The following SLC15A5 variants were observed in gnomAD, a reference collection of about 807,000 sequenced individuals.
The protein encoded by SLC15A5 is solute carrier family 15 member 5.
In SLC15A5, 58 loss-of-function variants were observed where a neutral mutation model predicts 56.1. The ratio of observed to expected loss-of-function variants is 1.03; its 90% CI spans 0.84 to 1.29. The LOEUF is 1.29. Ranked by LOEUF, SLC15A5 falls within the 50% of genes most tolerant of loss-of-function variation. The pLI is 0.00. For synonymous variants in SLC15A5, 264 were observed against 250.5 expected, an observed-to-expected ratio of 1.05 and a Z score of -0.51; for missense variants, 681 against 672.1, an observed-to-expected ratio of 1.01 and a Z score of -0.15.
intron 5 of SLC15A5, among the ~76,000 whole-genome samples, chr12:16,230,044 G>A (rs1323895049): frequency 6.6e-6 from 1 of 151,670 alleles, no homozygotes; most frequent in African/African-American, 2.4e-5. Context: ...AGATACATGA[G>A]GAAAAAATAA....
intron 1 of SLC15A5, among the ~76,000 whole-genome samples, chr12:16,275,346 C>G (rs929702690): frequency 5.3e-5 from 8 of 152,016 alleles, no homozygotes; most frequent in Non-Finnish European, 2.9e-5. Context: ...TGTTGAACAA[C>G]AAGTCTAGAG....
At chr12:16,268,462 A>G (rs187408481) in intron 2 of SLC15A5, among the ~76,000 whole-genome samples, 1 of 152,094 alleles carries the variant, frequency 6.6e-6, no homozygotes, top group Non-Finnish European at 1.5e-5. Flanking sequence ...ACAAGCTACT[A>G]CTCCTCAGCA....
intron 2 of SLC15A5, among the ~76,000 whole-genome samples, chr12:16,263,229 A>G (rs1344544271): frequency 1.3e-5 from 2 of 152,170 alleles, no homozygotes; most frequent in African/African-American, 4.8e-5. Context: ...AAGTGGTCTC[A>G]GATGGAGATG....
chr12:16,252,288 A>G (rs1268871508), intron 3 of SLC15A5, among the ~76,000 whole-genome samples: 1 of 152,044 alleles, frequency 6.6e-6, no homozygotes, highest in African/African-American at 2.4e-5. Context: ...ATAATTGAAC[A>G]TAGTGCTGAA....
chr12:16,260,489 T>C (rs574584907), intron 2 of SLC15A5, among the ~76,000 whole-genome samples: 14 of 152,044 alleles, frequency 9.2e-5, no homozygotes, highest in Non-Finnish European at 1.8e-4. Flanking sequence ...TCCTCTTTTT[T>C]TTTTTTATTG....
chr12:16,234,354 T>G (rs904720606), intron 5 of SLC15A5, among the ~76,000 whole-genome samples: 2 of 152,204 alleles, frequency 1.3e-5, no homozygotes, highest in Admixed American at 6.5e-5. Flanking sequence ...TACCTAGGTA[T>G]TTTAGGGCAA....
intron 7 of SLC15A5, among the ~76,000 whole-genome samples, chr12:16,213,844 C>T (rs1181129316): frequency 1.3e-5 from 2 of 152,094 alleles, no homozygotes; most frequent in African/African-American, 4.8e-5. Flanking sequence ...TTCATGGGCA[C>T]CAAATTGTGC....
At chr12:16,246,596 A>G (rs1864463768) in intron 3 of SLC15A5, among the ~76,000 whole-genome samples, 1 of 152,196 alleles carries the variant, frequency 6.6e-6, no homozygotes, top group Non-Finnish European at 1.5e-5. Context: ...AATTAACTTT[A>G]TGCTTTCAGA....
chr12:16,240,910 T>TC (rs1340620444), intron 4 of SLC15A5, among the ~76,000 whole-genome samples: 2 of 152,050 alleles, frequency 1.3e-5, no homozygotes, highest in Non-Finnish European at 2.9e-5. Context: ...CCTCCCAGGT[T>TC]CACGCCATTC....
At position 16,189,179 on chromosome 12, in the gene SLC15A5, A is replaced by G. The variant is rs1274607150; in HGVS notation, c.*489T>C. ...TTTGATAGCATAATATTAACAGCAA[A>G]TATAGAAAATCATGTATATGTTTAT... is the stretch of plus-strand genomic sequence containing the variant. On this transcript the variant is annotated 3_prime_UTR_variant, in exon 9 of 9. Transcript: ENST00000344941. 1.3e-5 allele frequency: 2 copies of G among 152,200 alleles called. No individual in the cohort carries two copies. Among genetic ancestry groups the G allele is most frequent in the Non-Finnish European group, 2.9e-5 (2 of 68,044 alleles). The allele number at this position is 152,200 out of a possible 1,614,324, so 9.4% of individuals were successfully genotyped here. A position where few individuals can be genotyped will look rare whatever the true frequency, so the allele number is the denominator to read the frequency against.
Position 16,272,574 on chromosome 12 carries a change from A to G in SLC15A5, c.571T>C (p.Ser191Pro), listed in dbSNP as rs1276811117. Residue 191 changes from serine (S) to proline (P), a missense_variant, in exon 2 of 9, where the codon TCT becomes CCT. Physicochemically the swap from Ser to Pro is moderately conservative, Grantham distance 74. Transcript: ENST00000344941. ...LQEYGSQKTM[S>P]FFNWFYWLMN... ...AGTGCTACTTACCAGTTAAAAAAAGACATCGTTTTTTGTGATCCATACTCC... is the reference window on the plus strand; with the variant it reads ...AGTGCTACTTACCAGTTAAAAAAAGGCATCGTTTTTTGTGATCCATACTCC... 6.5e-7 allele frequency: 1 copy of G among 1,536,880 alleles called. No individual in the cohort carries two copies.
chr12:16,234,003 A>G (rs909639539), intron 5 of SLC15A5, among the ~76,000 whole-genome samples: 7 of 152,166 alleles, frequency 4.6e-5, no homozygotes, highest in Non-Finnish European at 7.3e-5. Context: ...GCTGTTATTC[A>G]AAAAAAGTGT....
chr12:16,262,559 C>T (rs553990910), intron 2 of SLC15A5, among the ~76,000 whole-genome samples: 39 of 152,210 alleles, frequency 2.6e-4, no homozygotes, highest in Non-Finnish European at 3.8e-4. Context: ...CTACATGGTG[C>T]TAAGCCAATG....
chr12:16,260,715 A>G (rs940047380), intron 2 of SLC15A5, among the ~76,000 whole-genome samples: 1 of 151,236 alleles, frequency 6.6e-6, no homozygotes, highest in Admixed American at 6.6e-5. Context: ...TTTGTGTCCC[A>G]TGTAAAGAAT....
intron 3 of SLC15A5, among the ~76,000 whole-genome samples, chr12:16,249,870 C>T: frequency 6.6e-6 from 1 of 151,928 alleles, no homozygotes. Flanking sequence ...GAGAAAGTGC[C>T]AAAGTGGTTT....
intron 3 of SLC15A5, among the ~76,000 whole-genome samples, chr12:16,251,397 T>C (rs909096030): frequency 3.3e-5 from 5 of 151,792 alleles, no homozygotes; most frequent in East Asian, 1.9e-4. Flanking sequence ...AATGAAAGCA[T>C]GTTGATTTTT....
intron 7 of SLC15A5, among the ~76,000 whole-genome samples, chr12:16,207,578 G>A (rs1281846926): frequency 6.6e-6 from 1 of 152,034 alleles, no homozygotes; most frequent in Non-Finnish European, 1.5e-5. Context: ...TCATGCTTTA[G>A]GTAGTTTGGG....
At chr12:16,199,788 A>C (rs1863934480) in intron 7 of SLC15A5, among the ~76,000 whole-genome samples, 1 of 152,206 alleles carries the variant, frequency 6.6e-6, no homozygotes, top group African/African-American at 2.4e-5. Context: ...AGACATAGTC[A>C]TCCAAGAAGT....
rs1591653264 is a variant in SLC15A5 at position 16,243,214 on chromosome 12, T to G, written c.975+1366A>C. ...TATATATTTTTCTTTGCTTTTTCTCTTTTTTTTTTTTTTGAGATGGAGTTT... is the reference window on the plus strand; with the variant it reads ...TATATATTTTTCTTTGCTTTTTCTCGTTTTTTTTTTTTTGAGATGGAGTTT... On this transcript the variant is annotated intron_variant, in intron 4 of 8. Transcript: ENST00000344941. This position sits in a 1 kb window ranked among gnomAD's most constrained non-coding sequence, Gnocchi z 4.4. Among the ~76,000 whole-genome samples the G allele has an allele frequency of 0.083, 2 of 24 alleles. No individual in the cohort carries two copies. The highest frequency in any genetic ancestry group is 0.33 in the Admixed American group (2 of 6). The allele number at this position is 24 out of a possible 152,430, so 0.0% of individuals were successfully genotyped here.
Sources: gnomAD v4.1 joint callset for allele counts (sites outside exome capture counted in the v4.1 genomes callset) on GRCh38, gnomAD v4.1.1 for gene constraint, Gnocchi (gnomAD v3.1) non-coding constraint, MANE v1.5 for transcripts, NCBI Gene and HGNC (gene_info 2026-07-23, HGNC 2026-07-21) for gene names.